Variants in R3HCC1L observed in about 807,000 individuals in gnomAD.
R3HCC1L encodes the protein R3H domain and coiled-coil containing 1 like.
Under a neutral mutation model 59.9 loss-of-function variants are expected in R3HCC1L, and 51 were observed. That is an observed-to-expected ratio of 0.85 (90% confidence interval 0.68 to 1.07). The LOEUF is 1.07. Among genes scored for constraint, R3HCC1L ranks in the 50% least tolerant of loss-of-function variants. The pLI is 0.00. For missense variants in R3HCC1L, 965 were observed against 933.0 expected (o/e 1.03, Z -0.45); for synonymous variants, 322 against 315.2 (o/e 1.02, Z -0.23).
At chr10:98,144,614 G>A (rs1003591972) in intron 1 of R3HCC1L, among the ~76,000 whole-genome samples, 10 of 152,182 alleles carry the variant, frequency 6.6e-5, no homozygotes, top group African/African-American at 2.4e-4. Context: ...ACTAGGGCAA[G>A]TTATAGGATA....
At chr10:98,180,995 CTT>C (rs1269447042) in intron 4 of R3HCC1L, among the ~76,000 whole-genome samples, 3 of 152,158 alleles carry the variant, frequency 2.0e-5, no homozygotes, top group Admixed American at 1.3e-4. Flanking sequence ...GGTCTTGACT[CTT>C]TATCCAATTT....
chr10:98,161,196 C>T (rs1373937738), intron 2 of R3HCC1L, among the ~76,000 whole-genome samples: 1 of 152,130 alleles, frequency 6.6e-6, no homozygotes, highest in African/African-American at 2.4e-5. Context: ...AGTGTGTTGG[C>T]ATACTTTTTA....
Position 98,160,943 on chromosome 10 carries a change from A to G in R3HCC1L, c.-212-1940A>G, listed in dbSNP as rs540101248. On this transcript the variant is annotated intron_variant, in intron 2 of 9. Coordinates refer to ENST00000298999, the MANE Select transcript of R3HCC1L (RefSeq NM_001351015.2). ...TAGCATACTATAGATACTCTTTTGT[A>G]CTCTTATGCTGTTTCTAATATTTTG... is the stretch of plus-strand genomic sequence containing the variant. Among the ~76,000 whole-genome samples, 7 of 152,238 alleles carry G rather than the reference A, an allele frequency of 4.6e-5. No homozygotes were observed. In the South Asian group the frequency reaches 1.2e-3, roughly 27 times the overall value.
At position 98,217,248 on chromosome 10, in the gene R3HCC1L, A is replaced by G. The variant is rs374408167; in HGVS notation, c.1785+7349A>G. On this transcript the variant is annotated intron_variant, in intron 5 of 9. Transcript: ENST00000298999. ...TCATTCTTCTGCATATAGACATCCA[A>G]TTTTTTCAGCACCATTTATTGAAGA... Among the ~76,000 whole-genome samples, 6 of 151,990 alleles carry G rather than the reference A, an allele frequency of 3.9e-5. No homozygotes were observed. In the South Asian group the frequency reaches 1.0e-3, roughly 26 times the overall value.
intron 9 of R3HCC1L, among the ~76,000 whole-genome samples, chr10:98,241,881 A>G (rs1029942685): frequency 3.9e-5 from 6 of 152,200 alleles, no homozygotes; most frequent in African/African-American, 1.4e-4. Flanking sequence ...AGAAATTATT[A>G]TTTCCTATCC....
intron 4 of R3HCC1L, among the ~76,000 whole-genome samples, chr10:98,180,439 T>G (rs184019868): frequency 1.3e-5 from 2 of 152,328 alleles, no homozygotes; most frequent in East Asian, 3.9e-4. Flanking sequence ...TGTTGTGATT[T>G]CTGTTCTTTT....
At chr10:98,158,805 A>G (rs1590459545) in intron 2 of R3HCC1L, among the ~76,000 whole-genome samples, 1 of 147,864 alleles carries the variant, frequency 6.8e-6, no homozygotes, top group Non-Finnish European at 1.5e-5. Flanking sequence ...TTTTCATGAC[A>G]TTGACTTTTT....
chr10:98,222,973 C>T (rs1855214560), intron 5 of R3HCC1L, among the ~76,000 whole-genome samples: 1 of 152,130 alleles, frequency 6.6e-6, no homozygotes, highest in African/African-American at 2.4e-5. Context: ...CATACACTCT[C>T]CCAAGACTAA....
intron 1 of R3HCC1L, among the ~76,000 whole-genome samples, chr10:98,147,087 T>C (rs1845730086): frequency 6.6e-6 from 1 of 152,212 alleles, no homozygotes; most frequent in African/African-American, 2.4e-5. Flanking sequence ...CCTGCCTTTT[T>C]TATAAAAGCC....
intron 5 of R3HCC1L, among the ~76,000 whole-genome samples, chr10:98,229,624 G>A (rs376977566): frequency 5.9e-5 from 9 of 152,106 alleles, no homozygotes; most frequent in East Asian, 5.8e-4. Flanking sequence ...TATGTTGAAT[G>A]GGAGTGGTGA....
At chr10:98,138,280 C>A (rs1844789729) in intron 1 of R3HCC1L, among the ~76,000 whole-genome samples, 1 of 152,120 alleles carries the variant, frequency 6.6e-6, no homozygotes, top group African/African-American at 2.4e-5. Flanking sequence ...TATGAATCAG[C>A]AAGATAACTA....
Position 98,208,769 on chromosome 10 carries a change from G to C in R3HCC1L, c.655G>C (p.Glu219Gln). 1 of 1,614,058 alleles carries C rather than the reference G, an allele frequency of 6.2e-7. No homozygotes were observed. The highest frequency in any genetic ancestry group is 8.5e-7 in the Non-Finnish European group (1 of 1,179,986). Residue 219 changes from glutamate to glutamine, a missense_variant, in exon 5 of 10, where the codon GAG becomes CAG. Glu to Gln is a conservative substitution (Grantham distance 29). Coordinates refer to ENST00000298999, the MANE Select transcript of R3HCC1L (RefSeq NM_001351015.2). ...TDTKVLEILYEFPRVFSSVMK... is the reference protein window; with the variant it reads ...TDTKVLEILYQFPRVFSSVMK... ...TACCAAGGTTTTGGAGATACTATAT[G>C]AGTTTCCTAGAGTTTTTAGTTCTGT...
intron 5 of R3HCC1L, among the ~76,000 whole-genome samples, chr10:98,210,350 TATC>T (rs1249611754): frequency 6.6e-6 from 1 of 152,096 alleles, no homozygotes. Context: ...TACAAGAAAG[TATC>T]ATTGTTTTTT....
chr10:98,168,196 C>G (rs1359545278), intron 4 of R3HCC1L, among the ~76,000 whole-genome samples: 1 of 152,168 alleles, frequency 6.6e-6, no homozygotes, highest in Non-Finnish European at 1.5e-5. Context: ...ACTTTTCTCT[C>G]TACCTTTGTA....
intron 5 of R3HCC1L, among the ~76,000 whole-genome samples, chr10:98,211,587 A>G (rs1365408700): frequency 6.6e-6 from 1 of 152,176 alleles, no homozygotes; most frequent in Non-Finnish European, 1.5e-5. Flanking sequence ...TGCATGAGGA[A>G]TAGAGAGAGC....
intron 4 of R3HCC1L, among the ~76,000 whole-genome samples, chr10:98,205,161 C>T (rs917394597): frequency 6.6e-6 from 1 of 152,180 alleles, no homozygotes; most frequent in African/African-American, 2.4e-5. Flanking sequence ...ACTTCAAACT[C>T]ATCACTTCCT....
intron 4 of R3HCC1L, chr10:98,186,383 A>C (rs1337109717): frequency 1.9e-6 from 1 of 534,856 alleles, no homozygotes; most frequent in East Asian, 1.5e-4. Context: ...CAAAAATAGC[A>C]TACAATTGAT....
chr10:98,210,808 T>A (rs1036618782), intron 5 of R3HCC1L, among the ~76,000 whole-genome samples: 1 of 152,218 alleles, frequency 6.6e-6, no homozygotes, highest in Non-Finnish European at 1.5e-5. Flanking sequence ...ACCTAAAGGA[T>A]TTCTTTTGAG....
intron 4 of R3HCC1L, among the ~76,000 whole-genome samples, 196 bp downstream of exon 4, chr10:98,163,593 A>G (rs1427325005): frequency 3.3e-5 from 5 of 152,256 alleles, no homozygotes; most frequent in African/African-American, 1.2e-4. Flanking sequence ...ATCTGTCTTA[A>G]TTTTATTGTT....
Sources: allele counts gnomAD v4.1 joint callset (sites outside exome capture counted in the v4.1 genomes callset), GRCh38; gene constraint gnomAD v4.1.1; transcripts MANE v1.5; gene names NCBI Gene and HGNC (gene_info 2026-07-23, HGNC 2026-07-21).